Variants in NDUFB3 observed in about 807,000 individuals in gnomAD.
NDUFB3 encodes the protein NADH:ubiquinone oxidoreductase subunit B3.
NDUFB3 carries 7 observed loss-of-function variants against 9.0 expected under a neutral mutation model. The ratio of observed to expected loss-of-function variants is 0.78; its 90% CI spans 0.44 to 1.46. NDUFB3 has a LOEUF of 1.46. Ranked by LOEUF, NDUFB3 falls within the 40% of genes most tolerant of loss-of-function variation. The pLI, the probability that NDUFB3 is intolerant of heterozygous loss-of-function variation, is 0.01. For missense variants in NDUFB3, 93 were observed against 115.4 expected (o/e 0.81, Z 0.89); for synonymous variants, 29 against 38.5 (o/e 0.75, Z 0.91).
intron 2 of NDUFB3, among the ~76,000 whole-genome samples, chr2:201,081,019 A>G (rs918887479): frequency 6.6e-6 from 1 of 151,984 alleles, no homozygotes; most frequent in Admixed American, 6.6e-5. Context: ...TCCAACCTGT[A>G]AAAAATTGTT....
At chr2:201,075,584 A>G (rs1457185178) in intron 1 of NDUFB3, among the ~76,000 whole-genome samples, 2 of 151,868 alleles carry the variant, frequency 1.3e-5, no homozygotes, top group Non-Finnish European at 2.9e-5. Flanking sequence ...AAAAAAAAAA[A>G]AAAGGTATAT....
At chr2:201,075,905 C>T (rs565021984) in intron 1 of NDUFB3, among the ~76,000 whole-genome samples, 1 of 152,146 alleles carries the variant, frequency 6.6e-6, no homozygotes, top group African/African-American at 2.4e-5. Context: ...TGACATTTGC[C>T]AAAATAAGGG....
chr2:201,079,652 G>A (rs375024515), intron 2 of NDUFB3, among the ~76,000 whole-genome samples: 7 of 152,018 alleles, frequency 4.6e-5, no homozygotes, highest in East Asian at 1.9e-4. Flanking sequence ...CATGTTGCCC[G>A]GGCTAGTCTC....
chr2:201,084,493 C>T (rs1478802960), intron 2 of NDUFB3, among the ~76,000 whole-genome samples: 1 of 150,920 alleles, frequency 6.6e-6, no homozygotes, highest in Non-Finnish European at 1.5e-5. Flanking sequence ...CAAAAATTAG[C>T]GGGCATGGTG....
chr2:201,072,653 C>G (rs2047097278), intron 1 of NDUFB3, among the ~76,000 whole-genome samples: 1 of 143,832 alleles, frequency 7.0e-6, no homozygotes, highest in Non-Finnish European at 1.5e-5. Flanking sequence ...AATTTCCTTA[C>G]TGTTATTATT....
intron 2 of NDUFB3, among the ~76,000 whole-genome samples, chr2:201,080,699 CTTTTTT>C (rs58130221): frequency 1.0e-5 from 1 of 99,010 alleles, no homozygotes; most frequent in Non-Finnish European, 1.9e-5. Context: ...AGATCTCCAA[CTTTTTT>C]TTTTTTTTTT....
At chr2:201,082,253 G>GTTGT (rs375926671) in intron 2 of NDUFB3, among the ~76,000 whole-genome samples, 4,671 of 151,480 alleles carry the variant, frequency 0.031, 114 homozygotes, top group African/African-American at 0.065. Flanking sequence ...CAGGCCTGGC[G>GTTGT]TTGTTTGTTT....
intron 2 of NDUFB3, among the ~76,000 whole-genome samples, chr2:201,080,105 T>A (rs1369524118): frequency 6.6e-6 from 1 of 152,216 alleles, no homozygotes; most frequent in African/African-American, 2.4e-5. Context: ...CTTTTATAGT[T>A]CTTCTTACAT....
chr2:201,074,525 C>T (rs957586124), intron 1 of NDUFB3, among the ~76,000 whole-genome samples: 5 of 146,390 alleles, frequency 3.4e-5, no homozygotes, highest in Non-Finnish European at 7.4e-5. Flanking sequence ...GGCGCAATCT[C>T]GGCTCACTGC....
At chr2:201,082,016 C>G (rs993847796) in intron 2 of NDUFB3, among the ~76,000 whole-genome samples, 2 of 151,786 alleles carry the variant, frequency 1.3e-5, no homozygotes, top group East Asian at 3.9e-4. Context: ...TGGGGTTTCA[C>G]TGTGTTAGCC....
In NDUFB3 at chr2:201,078,914, A is replaced by G; in HGVS notation, c.32A>G (p.His11Arg). The G allele has an allele frequency of 6.2e-7, 1 of 1,612,420 alleles. No homozygotes were observed. The highest frequency in any genetic ancestry group is 8.5e-7 in the Non-Finnish European group (1 of 1,179,656). Reference protein sequence around the residue: MAHEHGHEHGHHKMELPDYRQ... With the variant: MAHEHGHEHGRHKMELPDYRQ... ...CATGAACATGGACATGAGCATGGACATCATAAAATGGAACTTCCAGATTAT... is the reference window on the plus strand; with the variant it reads ...CATGAACATGGACATGAGCATGGACGTCATAAAATGGAACTTCCAGATTAT... The change falls in exon 2 of 3, where the codon CAT (histidine) becomes CGT (arginine). Residue 11 changes from histidine (H) to arginine (R), a missense_variant. By Grantham distance (29) the His-to-Arg change is conservative (BLOSUM62 0). Transcript: ENST00000237889.
chr2:201,074,454 CTTT>C (rs370282012), intron 1 of NDUFB3, among the ~76,000 whole-genome samples: 1 of 113,188 alleles, frequency 8.8e-6, no homozygotes. Context: ...ATATGTTCAG[CTTT>C]TTTTTTTTTT....
At chr2:201,083,860 G>A (rs911423726) in intron 2 of NDUFB3, among the ~76,000 whole-genome samples, 1 of 151,942 alleles carries the variant, frequency 6.6e-6, no homozygotes, top group Non-Finnish European at 1.5e-5. Context: ...CTAAAATTTT[G>A]TTAAGAATAT....
At chr2:201,081,065 C>T (rs948980108) in intron 2 of NDUFB3, among the ~76,000 whole-genome samples, 6 of 152,034 alleles carry the variant, frequency 3.9e-5, no homozygotes, top group African/African-American at 1.4e-4. Flanking sequence ...TACATATAAA[C>T]TTTGGAATGA....
intron 1 of NDUFB3, 58 bp from the exon 2 acceptor site, chr2:201,078,823 G>T: frequency 2.1e-6 from 3 of 1,453,056 alleles, no homozygotes; most frequent in Non-Finnish European, 2.8e-6. Context: ...CAATAAATTT[G>T]GGTATTTGAT....
At chr2:201,084,636 G>A (rs1029471988) in intron 2 of NDUFB3, among the ~76,000 whole-genome samples, 1 of 151,926 alleles carries the variant, frequency 6.6e-6, no homozygotes, top group African/African-American at 2.4e-5. Flanking sequence ...GACTCCATCC[G>A]CCCCCGCCAA....
chr2:201,085,433 A>G (rs757775688), intron 2 of NDUFB3, 26 bp from the exon 3 acceptor site: 2 of 1,563,156 alleles, frequency 1.3e-6, no homozygotes, highest in Non-Finnish European at 1.7e-6. Context: ...GTGTATGATT[A>G]TAATTTTTTC....
intron 2 of NDUFB3, among the ~76,000 whole-genome samples, chr2:201,083,347 ATTTCTTT>A (rs1343637606): frequency 9.1e-6 from 1 of 110,302 alleles, no homozygotes; most frequent in Non-Finnish European, 2.0e-5. Context: ...ATTGTTTATT[ATTTCTTT>A]TTTTTTTTTT....
chr2:201,081,516 C>T (rs1228094813), intron 2 of NDUFB3, among the ~76,000 whole-genome samples: 1 of 151,804 alleles, frequency 6.6e-6, no homozygotes, highest in Non-Finnish European at 1.5e-5. Flanking sequence ...TAAGTGATGT[C>T]TTAACAATAT....
Sources: gnomAD v4.1 joint callset for allele counts (sites outside exome capture counted in the v4.1 genomes callset) on GRCh38, gnomAD v4.1.1 for gene constraint, MANE v1.5 for transcripts, NCBI Gene and HGNC (gene_info 2026-07-23, HGNC 2026-07-21) for gene names.